ATP10A: variants seen among roughly 807,000 people sequenced by gnomAD.
ATP10A encodes ATPase phospholipid transporting 10A (putative), also known as phospholipid-transporting ATPase VA.
Under a neutral mutation model 147.8 loss-of-function variants are expected in ATP10A, and 111 were observed. The observed-to-expected ratio is 0.75, with a 90% CI of 0.64 to 0.88. The LOEUF (loss-of-function observed/expected upper bound fraction) is 0.88. Ranked by LOEUF, ATP10A falls within the 40% of genes least tolerant of loss-of-function variation. The pLI is 0.00. For missense variants in ATP10A, 1,927 were observed against 1,959.0 expected, an observed-to-expected ratio of 0.98 and a Z score of 0.31; for synonymous variants, 875 against 841.6, an observed-to-expected ratio of 1.04 and a Z score of -0.69.
intron 1 of ATP10A, among the ~76,000 whole-genome samples, chr15:25,807,071 AGC>A (rs1491053474): frequency 6.6e-6 from 1 of 152,260 alleles, no homozygotes; most frequent in African/African-American, 2.4e-5. Flanking sequence ...ACAGAGCACA[AGC>A]GCAAGGAGTG....
rs540572999 is a variant in ATP10A, at chr15:25,765,230, T to G, written c.654+15789A>C. Among the ~76,000 whole-genome samples, 6 of 152,262 alleles carry G rather than the reference T, an allele frequency of 3.9e-5. No homozygotes were observed. In the East Asian group the frequency reaches 1.2e-3, roughly 29 times the overall value. On this transcript the variant is annotated intron_variant, in intron 2 of 20. Coordinates refer to ENST00000555815, the MANE Select transcript of ATP10A (RefSeq NM_024490.4). ...CTGGTGGCTTCGTGGAGAGACAATG[T>G]TTAACAGCCAGTAGCATAGTAATCC...
At chr15:25,841,397 T>A (rs1469442953) in intron 1 of ATP10A, 1 of 152,106 alleles carries the variant, frequency 6.6e-6, no homozygotes, top group Non-Finnish European at 1.5e-5. Context: ...TGGGACTTAT[T>A]TCTGGGTTCT....
intron 1 of ATP10A, among the ~76,000 whole-genome samples, chr15:25,794,886 G>A (rs1890596537): frequency 6.6e-6 from 1 of 152,142 alleles, no homozygotes; most frequent in African/African-American, 2.4e-5. Context: ...AGTGTCCCTG[G>A]AAGGTGTGCC....
intron 1 of ATP10A, among the ~76,000 whole-genome samples, chr15:25,805,931 A>G (rs1255272970): frequency 1.3e-5 from 2 of 152,252 alleles, no homozygotes; most frequent in Non-Finnish European, 2.9e-5. Flanking sequence ...CTTAATGATT[A>G]TAAGCAGCCC....
intron 12 of ATP10A, among the ~76,000 whole-genome samples, chr15:25,705,969 T>G (rs546490902): frequency 6.6e-6 from 1 of 152,220 alleles, no homozygotes; most frequent in African/African-American, 2.4e-5. Context: ...AGGGAAGGAA[T>G]CCACCTGAGG....
At chr15:25,717,573 G>A (rs1016764472) in intron 8 of ATP10A, among the ~76,000 whole-genome samples, 3 of 152,082 alleles carry the variant, frequency 2.0e-5, no homozygotes, top group Non-Finnish European at 4.4e-5. Flanking sequence ...ACCAATCAGC[G>A]TCCAAAACTC....
At chr15:25,838,178 A>G (rs962367050) in intron 1 of ATP10A, among the ~76,000 whole-genome samples, 12 of 152,244 alleles carry the variant, frequency 7.9e-5, no homozygotes, top group African/African-American at 2.9e-4. Flanking sequence ...CAATTTGAAC[A>G]TAACAGAAAC....
At chr15:25,682,580 G>C (rs879482308) in intron 17 of ATP10A, among the ~76,000 whole-genome samples, 1 of 152,162 alleles carries the variant, frequency 6.6e-6, no homozygotes, top group Non-Finnish European at 1.5e-5. Context: ...GCCAAGGATG[G>C]GAACTCCCCT....
intron 17 of ATP10A, among the ~76,000 whole-genome samples, chr15:25,682,817 C>T (rs1389871780): frequency 6.6e-6 from 1 of 152,208 alleles, no homozygotes; most frequent in Non-Finnish European, 1.5e-5. Context: ...AAAGCACTTG[C>T]TGTCTATTTT....
chr15:25,840,725 G>A (rs958891235), intron 1 of ATP10A, among the ~76,000 whole-genome samples: 1 of 152,132 alleles, frequency 6.6e-6, no homozygotes, highest in Non-Finnish European at 1.5e-5. Context: ...GTTTTGTGAA[G>A]GGACTATTTT....
chr15:25,733,656 C>T (rs993639366), intron 3 of ATP10A, among the ~76,000 whole-genome samples: 4 of 152,188 alleles, frequency 2.6e-5, no homozygotes, highest in South Asian at 2.1e-4. Context: ...GTGGAGATGG[C>T]GAATTATCGT....
chr15:25,736,815 T>A (rs952167033), intron 2 of ATP10A, among the ~76,000 whole-genome samples: 4 of 152,146 alleles, frequency 2.6e-5, no homozygotes, highest in African/African-American at 9.7e-5. Flanking sequence ...GCACAATTAG[T>A]GGATTTCTTT....
intron 7 of ATP10A, 80 bp from the exon 8 acceptor site, chr15:25,718,479 G>A: frequency 7.0e-7 from 1 of 1,431,224 alleles, no homozygotes; most frequent in Non-Finnish European, 9.4e-7. Context: ...TGTGTTTTAG[G>A]TTCCGCGAGG....
intron 1 of ATP10A, among the ~76,000 whole-genome samples, chr15:25,856,762 G>GACAACA (rs759934046): frequency 2.6e-5 from 4 of 151,632 alleles, no homozygotes; most frequent in South Asian, 2.1e-4. Context: ...CCAAAACAAC[G>GACAACA]ACAACAACAA....
chr15:25,826,288 G>A (rs1012603926), intron 1 of ATP10A, among the ~76,000 whole-genome samples: 4 of 152,150 alleles, frequency 2.6e-5, no homozygotes, highest in East Asian at 1.9e-4. Context: ...GGTTGGGTAC[G>A]GTGGCTCATG....
chr15:25,744,839 G>A (rs1051723144), intron 2 of ATP10A, among the ~76,000 whole-genome samples: 21 of 152,120 alleles, frequency 1.4e-4, no homozygotes, highest in Non-Finnish European at 2.6e-4. Flanking sequence ...TGTGTAATCA[G>A]GGCCCCAGAA....
intron 1 of ATP10A, 134 bp from the exon 2 acceptor site, chr15:25,781,357 G>T: frequency 1.3e-6 from 1 of 774,470 alleles, no homozygotes; most frequent in Non-Finnish European, 2.1e-6. Context: ...ATAAACAGGT[G>T]TTTTAAAAAG....
At chr15:25,829,941 G>A (rs1892282200) in intron 1 of ATP10A, among the ~76,000 whole-genome samples, 1 of 152,202 alleles carries the variant, frequency 6.6e-6, no homozygotes, top group African/African-American at 2.4e-5. Context: ...TCTATTGTAA[G>A]GAATCACTTT....
At chr15:25,738,753 G>C (rs184466952) in intron 2 of ATP10A, 1 of 152,170 alleles carries the variant, frequency 6.6e-6, no homozygotes, top group East Asian at 1.9e-4. Context: ...CATTCTGATC[G>C]TCATCACCAT....
Sources: gnomAD v4.1 joint callset for allele counts (sites outside exome capture counted in the v4.1 genomes callset) on GRCh38, gnomAD v4.1.1 for gene constraint, MANE v1.5 for transcripts, NCBI Gene and HGNC (gene_info 2026-07-23, HGNC 2026-07-21) for gene names.